WASHC4: variants seen among roughly 807,000 people sequenced by gnomAD.
WASHC4 encodes the protein WASH complex subunit 4.
A neutral mutation model predicts 166.6 loss-of-function variants in WASHC4; 86 were observed. That is an observed-to-expected ratio of 0.52 (90% CI 0.43 to 0.62). WASHC4 has a LOEUF of 0.62. Among genes scored for constraint, WASHC4 ranks in the 20% least tolerant of loss-of-function variants. WASHC4 has a pLI of 0.00. For synonymous variants in WASHC4, 446 were observed against 451.6 expected (o/e 0.99, Z 0.16); for missense variants, 1,262 against 1,382.4 (o/e 0.91, Z 1.38).
At position 105,149,077 on chromosome 12, in the gene WASHC4, C is replaced by T. The variant is rs548532548; in HGVS notation, c.2515-538C>T. On this transcript the variant is annotated intron_variant, in intron 24 of 32. Transcript: ENST00000332180. ...GTCACCTGTTCTAGAATATAAACTT[C>T]GTGAAGACAAGGACCATGTCTAGCA... The T allele has an allele frequency of 1.1e-5, 11 of 984,108 alleles. No individual in the cohort carries two copies. In the East Asian group the frequency reaches 5.7e-4, roughly 51 times the overall value. 61.0% of individuals were successfully genotyped at this position (984,108 alleles called of 1,614,324 possible).
intron 28 of WASHC4, among the ~76,000 whole-genome samples, chr12:105,159,482 A>T (rs548149018): frequency 4.8e-4 from 73 of 152,312 alleles, no homozygotes; most frequent in African/African-American, 1.7e-3. Context: ...GGGTAGTTAG[A>T]TATAGTTGGA....
At chr12:105,116,735 A>G (rs915002157) in intron 6 of WASHC4, among the ~76,000 whole-genome samples, 1 of 152,214 alleles carries the variant, frequency 6.6e-6, no homozygotes, top group Non-Finnish European at 1.5e-5. Context: ...ACACAATAAA[A>G]TGTATTTAAA....
At chr12:105,126,705 C>T (rs1007201154) in intron 12 of WASHC4, among the ~76,000 whole-genome samples, 13 of 151,882 alleles carry the variant, frequency 8.6e-5, no homozygotes, top group African/African-American at 2.4e-4. Flanking sequence ...TTGCTATTTT[C>T]ATAATGTGGT....
rs199959945 is a variant in WASHC4, at chr12:105,118,475, T to C, written c.465T>C (p.Tyr155=). The C allele has an allele frequency of 1.1e-4, 173 of 1,613,528 alleles. No homozygotes were observed. The highest frequency in any genetic ancestry group is 1.4e-4 in the Non-Finnish European group (166 of 1,179,402). Residue 155 remains tyrosine, a synonymous_variant, in exon 7 of 33, where the codon TAT becomes TAC. Coordinates refer to ENST00000332180, the MANE Select transcript of WASHC4 (RefSeq NM_015275.3). ...QELSCFVTRC[Y]EVVMNVVHQL... Reference sequence around the variant, plus strand: ...TGTCTTGCTTTGTTACGAGGTGCTATGAAGTGGTGATGAACGTAGTCCACC... The same window carrying C: ...TGTCTTGCTTTGTTACGAGGTGCTACGAAGTGGTGATGAACGTAGTCCACC...
At position 105,160,195 on chromosome 12, in the gene WASHC4, A is replaced by G. The variant is rs368630822; in HGVS notation, c.3060+47A>G. The G allele has an allele frequency of 6.1e-6, 9 of 1,476,360 alleles. No homozygotes were observed. In the Admixed American group the frequency reaches 8.4e-5, roughly 14 times the overall value. 91.5% of individuals were successfully genotyped at this position (1,476,360 alleles called of 1,614,324 possible). A position where few individuals can be genotyped will look rare whatever the true frequency, so the allele number is the denominator to read the frequency against. ...AATGAATTTTTTTTTTAAAAAGAGT[A>G]TGCACAAATAGATCTGGTTTCTTTG... On this transcript the variant is annotated intron_variant, in intron 29 of 32. Coordinates refer to ENST00000332180, the MANE Select transcript of WASHC4 (RefSeq NM_015275.3).
intron 25 of WASHC4, among the ~76,000 whole-genome samples, chr12:105,152,057 A>C (rs942809339): frequency 4.6e-5 from 7 of 152,136 alleles, no homozygotes; most frequent in African/African-American, 1.7e-4. Flanking sequence ...TCTGGGAGGA[A>C]TTGGTTTCTT....
chr12:105,154,319 G>A (rs112103206), intron 26 of WASHC4, among the ~76,000 whole-genome samples: 29 of 152,232 alleles, frequency 1.9e-4, no homozygotes, highest in African/African-American at 6.3e-4. Context: ...GTGAGCCACT[G>A]CGCCCGGCCA....
intron 24 of WASHC4, chr12:105,148,995 G>A: frequency 9.2e-6 from 9 of 983,166 alleles, no homozygotes; most frequent in Non-Finnish European, 1.1e-5. Flanking sequence ...AACATTCTGA[G>A]AAATTATTAC....
At chr12:105,161,487 T>C (rs1437872609) in intron 29 of WASHC4, among the ~76,000 whole-genome samples, 1 of 152,184 alleles carries the variant, frequency 6.6e-6, no homozygotes, top group Non-Finnish European at 1.5e-5. Flanking sequence ...CTCAAACCAT[T>C]GTAGACAGCA....
At chr12:105,129,992 A>T (rs1409630478) in intron 13 of WASHC4, among the ~76,000 whole-genome samples, 1 of 152,232 alleles carries the variant, frequency 6.6e-6, no homozygotes, top group Non-Finnish European at 1.5e-5. Context: ...GTATTCCAGG[A>T]ACTTGACACA....
intron 22 of WASHC4, 132 bp from the exon 23 acceptor site, chr12:105,146,320 T>G (rs1196803): frequency 1.5e-6 from 1 of 647,690 alleles, no homozygotes; most frequent in East Asian, 2.8e-5. Context: ...TGATCGTACC[T>G]TTTATATAGT....
intron 9 of WASHC4, among the ~76,000 whole-genome samples, chr12:105,121,621 C>T (rs948634001): frequency 6.6e-6 from 1 of 152,166 alleles, no homozygotes; most frequent in African/African-American, 2.4e-5. Flanking sequence ...GATTCTCCTA[C>T]CTCAGCCTCC....
In WASHC4 at chr12:105,164,719, C is replaced by T; in HGVS notation, c.3433C>T (p.Gln1145Ter). The change falls in exon 32 of 33, where the codon CAA becomes TAA. Residue 1145 changes from glutamine to a stop codon, truncating the protein, a stop_gained. Coordinates refer to ENST00000332180, the MANE Select transcript of WASHC4 (RefSeq NM_015275.3). LOFTEE classifies it high-confidence loss of function. ...RADKTAAEEN[Q>*]EKKEKEEETK... ...AGACAAGACTGCGGCTGAAGAAAACCAAGAAAAGAAAGAGAAGGAAGGTCA... is the reference window on the plus strand; with the variant it reads ...AGACAAGACTGCGGCTGAAGAAAACTAAGAAAAGAAAGAGAAGGAAGGTCA... 1 of 1,612,354 alleles carries T rather than the reference C, an allele frequency of 6.2e-7. No homozygotes were observed. The highest frequency in any genetic ancestry group is 8.5e-7 in the Non-Finnish European group (1 of 1,178,990).
intron 24 of WASHC4, chr12:105,147,422 T>A (rs1332408107): frequency 1.3e-5 from 6 of 462,004 alleles, no homozygotes; most frequent in African/African-American, 4.0e-5. Context: ...CACATTAATA[T>A]ATGTGTGTGC....
At chr12:105,160,295 T>C in intron 29 of WASHC4, 147 bp downstream of exon 29, 1 of 722,680 alleles carries the variant, frequency 1.4e-6, no homozygotes, top group Non-Finnish European at 2.3e-6. Flanking sequence ...TCAGTGAATG[T>C]GACATAGAAT....
chr12:105,125,179 G>A (rs1407483392), intron 10 of WASHC4, among the ~76,000 whole-genome samples: 2 of 152,152 alleles, frequency 1.3e-5, no homozygotes, highest in African/African-American at 4.8e-5. Context: ...CTTGTTTACA[G>A]TTGACCCTTT....
chr12:105,138,580 GAAA>G (rs1375171867), intron 15 of WASHC4, among the ~76,000 whole-genome samples: 1 of 152,024 alleles, frequency 6.6e-6, no homozygotes, highest in Non-Finnish European at 1.5e-5. Context: ...CTGTATTAAA[GAAA>G]AAACCTGTAG....
chr12:105,123,036 C>T (rs944768576), intron 10 of WASHC4, among the ~76,000 whole-genome samples: 4 of 152,106 alleles, frequency 2.6e-5, no homozygotes, highest in Admixed American at 1.3e-4. Context: ...GAGATAGGGC[C>T]GGGCGCGGTG....
chr12:105,131,914 C>G (rs552134052), intron 13 of WASHC4, among the ~76,000 whole-genome samples: 2 of 152,304 alleles, frequency 1.3e-5, no homozygotes, highest in African/African-American at 4.8e-5. Context: ...GAGATTTTGA[C>G]AGGATCCTTC....
Sources: gnomAD v4.1 joint callset for allele counts (sites outside exome capture counted in the v4.1 genomes callset) on GRCh38, gnomAD v4.1.1 for gene constraint, MANE v1.5 for transcripts, NCBI Gene and HGNC (gene_info 2026-07-23, HGNC 2026-07-21) for gene names.